UBE2E3: variants seen among roughly 807,000 people sequenced by gnomAD.
UBE2E3 encodes the protein ubiquitin-conjugating enzyme E2 E3.
A neutral mutation model predicts 23.6 loss-of-function variants in UBE2E3; 5 were observed. The ratio of observed to expected loss-of-function variants is 0.21; its 90% confidence interval spans 0.11 to 0.44. UBE2E3 has a LOEUF of 0.44. UBE2E3 is among the 20% of genes least tolerant of loss of function. UBE2E3 has a pLI of 0.99. For synonymous variants in UBE2E3, 78 were observed against 87.5 expected (o/e 0.89, Z 0.60); for missense variants, 81 against 249.8 (o/e 0.32, Z 4.55).
chr2:181,033,512 CTTATACAAAAATTAATTCAAGATGGA>C (rs1357788509), intron 3 of UBE2E3, among the ~76,000 whole-genome samples: 105 of 152,242 alleles, frequency 6.9e-4, no homozygotes, highest in Middle Eastern at 3.4e-3. Flanking sequence ...TTCCTTACAC[CTTATACAAAAATTAATTCAAGATGGA>C]TTAAAGACTT....
chr2:181,056,955 C>G (rs189043397), intron 3 of UBE2E3, among the ~76,000 whole-genome samples: 1 of 151,842 alleles, frequency 6.6e-6, no homozygotes, highest in East Asian at 1.9e-4. Flanking sequence ...CAGACACCTA[C>G]TATTTCAGCC....
At chr2:180,980,416 C>T (rs1684225999), upstream of UBE2E3, 1 of 151,516 alleles carries the variant, frequency 6.6e-6, no homozygotes, top group South Asian at 2.1e-4. The surrounding 1 kb of genome is among the most constrained non-coding windows in gnomAD (Gnocchi z 5.5). Context: ...CCCCGCCGCG[C>T]TCTTTGTCCT....
At chr2:181,025,075 C>A (rs1009992542) in intron 3 of UBE2E3, among the ~76,000 whole-genome samples, 2 of 151,898 alleles carry the variant, frequency 1.3e-5, no homozygotes, top group Admixed American at 6.6e-5. Context: ...CATGGAGATA[C>A]GTTCTGGGAC....
At chr2:181,054,880 G>A (rs1052811956) in intron 3 of UBE2E3, among the ~76,000 whole-genome samples, 2 of 151,722 alleles carry the variant, frequency 1.3e-5, no homozygotes, top group South Asian at 4.1e-4. Context: ...AGGGTGATAA[G>A]GAATAGGAAT....
At position 181,004,301 on chromosome 2, in the gene UBE2E3, C is replaced by T. The variant is rs1685075472; in HGVS notation, c.245+20208C>T. On this transcript the variant is annotated intron_variant, in intron 3 of 5. Transcript: ENST00000410062. The stretch of plus-strand genomic sequence containing the variant: ...AACATAATGTTAATATTTTAAATTT[C>T]TTATTTGTATGCAAAAAATTACCTG... Among the ~76,000 whole-genome samples, 6 of 152,072 alleles carry T rather than the reference C, an allele frequency of 3.9e-5. No individual in the cohort carries two copies. In the South Asian group the frequency reaches 1.2e-3, roughly 31 times the overall value.
At chr2:181,059,792 C>T (rs920136535) in intron 4 of UBE2E3, among the ~76,000 whole-genome samples, 4 of 151,634 alleles carry the variant, frequency 2.6e-5, no homozygotes, top group African/African-American at 4.8e-5. Context: ...CCCCTACCCC[C>T]TCCCTGTCAT....
At chr2:180,994,674 A>C (rs1382765995) in intron 3 of UBE2E3, among the ~76,000 whole-genome samples, 2 of 152,188 alleles carry the variant, frequency 1.3e-5, no homozygotes, top group East Asian at 3.8e-4. Context: ...TCATTTATAC[A>C]CGACTTTTTT....
chr2:181,045,869 T>C (rs1351159256), intron 3 of UBE2E3, among the ~76,000 whole-genome samples: 1 of 151,980 alleles, frequency 6.6e-6, no homozygotes, highest in Non-Finnish European at 1.5e-5. Context: ...CCCTTGGATA[T>C]GTTGGGACAG....
At chr2:181,000,827 CTT>C (rs1199810130) in intron 3 of UBE2E3, among the ~76,000 whole-genome samples, 2 of 152,052 alleles carry the variant, frequency 1.3e-5, no homozygotes, top group Non-Finnish European at 2.9e-5. Context: ...GTGAGAGTAA[CTT>C]TTTAAATTCA....
At chr2:180,998,244 T>G (rs1287932433) in intron 3 of UBE2E3, among the ~76,000 whole-genome samples, 1 of 152,174 alleles carries the variant, frequency 6.6e-6, no homozygotes. Context: ...TTTACCCTCA[T>G]GCTATAAATT....
chr2:181,015,282 A>T (rs1685451531), intron 3 of UBE2E3, among the ~76,000 whole-genome samples: 1 of 152,204 alleles, frequency 6.6e-6, no homozygotes, highest in Admixed American at 6.5e-5. Flanking sequence ...ATATAGTCAC[A>T]TTAGGACATT....
chr2:181,044,525 A>T (rs1348318549), intron 3 of UBE2E3, among the ~76,000 whole-genome samples: 2 of 152,132 alleles, frequency 1.3e-5, no homozygotes, highest in African/African-American at 4.8e-5. Flanking sequence ...GTTTACTTTA[A>T]TAGGAGATTG....
chr2:181,033,789 A>G lies in UBE2E3; in HGVS notation c.246-23904A>G, dbSNP rs1415513916. On this transcript the variant is annotated intron_variant, in intron 3 of 5. Transcript: ENST00000410062. The stretch of plus-strand genomic sequence containing the variant: ...TTTTTGCAAGCTACCCATCTGACAA[A>G]GGGCTAATACCCAGAATCTACAAAG... Among the ~76,000 whole-genome samples, 26 of 152,348 alleles carry G rather than the reference A, an allele frequency of 1.7e-4. 1 individual carries two copies. Among genetic ancestry groups the G allele is most frequent in the Non-Finnish European group, 7.3e-5 (5 of 68,038 alleles).
chr2:180,982,262 A>G (rs775579031), intron 2 of UBE2E3, 26 bp downstream of exon 2: 2 of 1,594,078 alleles, frequency 1.3e-6, no homozygotes, highest in Admixed American at 1.8e-5. Context: ...AGGATCCAGC[A>G]CACTTTGTCA....
intron 3 of UBE2E3, among the ~76,000 whole-genome samples, chr2:181,019,272 T>A (rs1260209738): frequency 6.6e-6 from 1 of 152,214 alleles, no homozygotes; most frequent in Non-Finnish European, 1.5e-5. Flanking sequence ...GCTCTAAAAT[T>A]TATGAGAATA....
chr2:180,989,893 A>G (rs1163963800), intron 3 of UBE2E3: 2 of 1,543,952 alleles, frequency 1.3e-6, no homozygotes, highest in Middle Eastern at 3.4e-4. Context: ...AAAATCAGCA[A>G]GTCTTGCATA....
intron 3 of UBE2E3, among the ~76,000 whole-genome samples, chr2:180,998,458 TG>T (rs987159149): frequency 1.3e-5 from 2 of 150,604 alleles, no homozygotes; most frequent in African/African-American, 5.0e-5. Context: ...ATAAGGAGAG[TG>T]GGGAAGGGGC....
chr2:181,030,716 G>A (rs1202024984), intron 3 of UBE2E3, among the ~76,000 whole-genome samples: 2 of 149,726 alleles, frequency 1.3e-5, no homozygotes, highest in African/African-American at 4.9e-5. Context: ...ATAAGGTGGG[G>A]AAAAGGTGGA....
At chr2:181,024,335 G>C (rs4362519) in intron 3 of UBE2E3, among the ~76,000 whole-genome samples, 58,984 of 151,806 alleles carry the variant, frequency 0.39, 12,228 homozygotes, top group African/African-American at 0.54. Context: ...TTCATCCTAC[G>C]ATTCTACCAT....
Sources: allele counts gnomAD v4.1 joint callset (sites outside exome capture counted in the v4.1 genomes callset), GRCh38; gene constraint gnomAD v4.1.1; non-coding constraint Gnocchi (gnomAD v3.1); transcripts MANE v1.5; gene names NCBI Gene and HGNC (gene_info 2026-07-23, HGNC 2026-07-21).